Variants in CAMK4 observed in about 807,000 individuals in gnomAD.
CAMK4 encodes the protein calcium/calmodulin-dependent protein kinase type IV.
A neutral mutation model predicts 44.9 loss-of-function variants in CAMK4; 22 were observed. The observed-to-expected ratio is 0.49, with a 90% CI of 0.35 to 0.70. CAMK4 has a LOEUF of 0.70. CAMK4 is among the 30% of genes least tolerant of loss of function. The probability of loss-of-function intolerance (pLI) is 0.01; values close to 1 mark genes in which losing one functional copy is unlikely to be tolerated. For missense variants in CAMK4, 498 were observed against 586.8 expected (o/e 0.85, Z 1.56); for synonymous variants, 218 against 215.4 (o/e 1.01, Z -0.11).
chr5:111,397,910 G>A (rs542177796), intron 5 of CAMK4, among the ~76,000 whole-genome samples: 4 of 152,116 alleles, frequency 2.6e-5, no homozygotes, highest in Admixed American at 1.3e-4. Flanking sequence ...CTGACAAAAC[G>A]TTATATCAAA....
intron 1 of CAMK4, among the ~76,000 whole-genome samples, chr5:111,343,599 T>G (rs888709570): frequency 1.3e-5 from 2 of 151,778 alleles, no homozygotes; most frequent in African/African-American, 2.4e-5. Context: ...AAGTACAGAC[T>G]ATATAGAGTG....
intron 2 of CAMK4, among the ~76,000 whole-genome samples, chr5:111,374,209 G>T (rs1223947270): frequency 6.6e-6 from 1 of 152,116 alleles, no homozygotes; most frequent in African/African-American, 2.4e-5. Context: ...TTTTTCCTGT[G>T]TTGGCCTCAT....
intron 1 of CAMK4, among the ~76,000 whole-genome samples, chr5:111,277,179 T>C (rs1334238897): frequency 6.6e-6 from 1 of 152,226 alleles, no homozygotes; most frequent in Non-Finnish European, 1.5e-5. Context: ...ACAGAACGCA[T>C]GAAGCTCCAT....
At position 111,425,118 on chromosome 5, in the gene CAMK4, A is replaced by G. The variant is rs78961840; in HGVS notation, c.460-21568A>G. On this transcript the variant is annotated intron_variant, in intron 5 of 10. Transcript: ENST00000282356. The stretch of plus-strand genomic sequence containing the variant: ...GTGGAGGTTTCGGTGAGCTGAGATC[A>G]CTCGACTGCACTCCAGCCTGGGTGA... Among the ~76,000 whole-genome samples the G allele has an allele frequency of 7.2e-3, 1,070 of 148,968 alleles. 12 individuals are homozygous for G. Among genetic ancestry groups the G allele is most frequent in the African/African-American group, 0.025 (1,005 of 40,262 alleles).
intron 3 of CAMK4, among the ~76,000 whole-genome samples, chr5:111,375,160 A>G (rs893034948): frequency 6.6e-6 from 1 of 152,186 alleles, no homozygotes; most frequent in Admixed American, 6.5e-5. Context: ...TTCATTCATA[A>G]AAGGATAAAA....
At chr5:111,475,802 G>C (rs1318737290) in intron 8 of CAMK4, among the ~76,000 whole-genome samples, 1 of 152,178 alleles carries the variant, frequency 6.6e-6, no homozygotes, top group Admixed American at 6.5e-5. Context: ...CTGGTGGGTT[G>C]TGCTACTTGA....
At chr5:111,361,718 A>T (rs1750598999) in intron 2 of CAMK4, among the ~76,000 whole-genome samples, 1 of 152,056 alleles carries the variant, frequency 6.6e-6, no homozygotes, top group Admixed American at 6.6e-5. Flanking sequence ...TAAACAGGAC[A>T]GTGCAGCTCT....
intron 1 of CAMK4, among the ~76,000 whole-genome samples, chr5:111,311,354 TG>T (rs1321190163): frequency 6.6e-6 from 1 of 152,230 alleles, no homozygotes; most frequent in Non-Finnish European, 1.5e-5. Context: ...AGAGAGTTCT[TG>T]TATTAGCATA....
At chr5:111,253,318 G>C (rs899865595) in intron 1 of CAMK4, among the ~76,000 whole-genome samples, 1 of 152,174 alleles carries the variant, frequency 6.6e-6, no homozygotes, top group African/African-American at 2.4e-5. Context: ...TGCTGATGGT[G>C]CTTTTCTAGG....
chr5:111,258,104 G>T (rs1749816831), intron 1 of CAMK4, among the ~76,000 whole-genome samples: 1 of 152,108 alleles, frequency 6.6e-6, no homozygotes. Context: ...AACCACCATG[G>T]TACATGTTTA....
chr5:111,241,392 A>G (rs1255976274), intron 1 of CAMK4, among the ~76,000 whole-genome samples: 1 of 152,140 alleles, frequency 6.6e-6, no homozygotes, highest in Non-Finnish European at 1.5e-5. Flanking sequence ...CTCATGATTA[A>G]CTGGGGAAGA....
At chr5:111,387,518 T>C (rs1751647607) in intron 4 of CAMK4, among the ~76,000 whole-genome samples, 1 of 152,236 alleles carries the variant, frequency 6.6e-6, no homozygotes, top group Non-Finnish European at 1.5e-5. Flanking sequence ...TTTTCACTTA[T>C]TGCATTGTCC....
intron 1 of CAMK4, among the ~76,000 whole-genome samples, chr5:111,340,332 A>G (rs560492786): frequency 6.0e-5 from 9 of 151,242 alleles, no homozygotes; most frequent in African/African-American, 1.9e-4. Context: ...ACTTTTTACC[A>G]TTGAGTATAT....
intron 1 of CAMK4, among the ~76,000 whole-genome samples, chr5:111,284,304 T>C (rs1751144595): frequency 6.6e-6 from 1 of 152,216 alleles, no homozygotes; most frequent in South Asian, 2.1e-4. Context: ...ATATATTCAA[T>C]CAAAAGACCT....
At chr5:111,350,349 C>G (rs186456805) in intron 2 of CAMK4, among the ~76,000 whole-genome samples, 10 of 152,176 alleles carry the variant, frequency 6.6e-5, no homozygotes, top group Non-Finnish European at 1.5e-4. Flanking sequence ...TAAAGTCAAA[C>G]AGTGAGTAGC....
At chr5:111,335,421 T>C (rs1199395787) in intron 1 of CAMK4, among the ~76,000 whole-genome samples, 2 of 151,426 alleles carry the variant, frequency 1.3e-5, no homozygotes, top group East Asian at 2.0e-4. Flanking sequence ...AGCTAGTGGG[T>C]GAATAGTTAT....
At chr5:111,349,192 G>A (rs902835950) in intron 2 of CAMK4, among the ~76,000 whole-genome samples, 2 of 151,914 alleles carry the variant, frequency 1.3e-5, no homozygotes. Context: ...CTTGTGTGGG[G>A]ATGGCCTAAG....
chr5:111,458,869 G>A (rs1034560664), intron 7 of CAMK4, among the ~76,000 whole-genome samples: 1 of 152,134 alleles, frequency 6.6e-6, no homozygotes, highest in African/African-American at 2.4e-5. Flanking sequence ...TGGTTGATTG[G>A]AATGCAGTGA....
intron 4 of CAMK4, among the ~76,000 whole-genome samples, chr5:111,384,795 C>G (rs889391692): frequency 1.3e-5 from 2 of 152,136 alleles, no homozygotes; most frequent in Admixed American, 6.5e-5. Context: ...TACTTTCACT[C>G]CTTTCCATCC....
Sources: allele counts gnomAD v4.1 joint callset (sites outside exome capture counted in the v4.1 genomes callset), GRCh38; gene constraint gnomAD v4.1.1; transcripts MANE v1.5; gene names NCBI Gene and HGNC (gene_info 2026-07-23, HGNC 2026-07-21).